CACNA1B: variants seen among roughly 807,000 people sequenced by gnomAD.
CACNA1B encodes calcium voltage-gated channel subunit alpha1 B.
In CACNA1B, 70 loss-of-function variants were observed where a neutral mutation model predicts 247.2. The observed-to-expected ratio is 0.28, with a 90% CI of 0.23 to 0.35. The LOEUF (loss-of-function observed/expected upper bound fraction) is 0.35. Ranked by LOEUF, CACNA1B falls within the 10% of genes least tolerant of loss-of-function variation. The pLI is 1.00. For synonymous variants in CACNA1B, 1,231 were observed against 1,294.4 expected, an observed-to-expected ratio of 0.95 and a Z score of 1.05; for missense variants, 2,367 against 3,197.4, an observed-to-expected ratio of 0.74 and a Z score of 6.26.
intron 36 of CACNA1B, among the ~76,000 whole-genome samples, chr9:138,087,063 A>C (rs1409087793): frequency 6.6e-6 from 1 of 151,282 alleles, no homozygotes; most frequent in Non-Finnish European, 1.5e-5. Context: ...CTGAAAGACA[A>C]ATGGGCCAAG....
rs1170713000 is a variant in CACNA1B, at chr9:138,051,487, C to T, written c.3711-605C>T. On this transcript the variant is annotated intron_variant, in intron 24 of 46. Coordinates refer to ENST00000371372, the MANE Select transcript of CACNA1B (RefSeq NM_000718.4). The surrounding 1 kb of genome is among the most constrained non-coding windows in gnomAD (Gnocchi z 4.3). ...TCCCTCCCTCCCTCCTTCCCTCCCT[C>T]TCCCCTTGTTTGTCTTAGTCCACCA... 1.3e-5 allele frequency among the ~76,000 whole-genome samples: 2 copies of T among 149,040 alleles called. No homozygotes were observed. Among genetic ancestry groups the T allele is most frequent in the Admixed American group, 1.3e-4 (2 of 14,886 alleles).
chr9:138,038,954 G>T (rs1232009133), intron 20 of CACNA1B, among the ~76,000 whole-genome samples: 2 of 152,148 alleles, frequency 1.3e-5, no homozygotes, highest in Admixed American at 1.3e-4. Context: ...GGAGGCCAAT[G>T]TGGGTGGATC....
At chr9:138,090,701 CAAAA>C (rs1173964720) in intron 36 of CACNA1B, among the ~76,000 whole-genome samples, 6 of 16,594 alleles carry the variant, frequency 3.6e-4, no homozygotes, top group African/African-American at 1.7e-3. Flanking sequence ...AACCCATCAG[CAAAA>C]AAAAAAAAAA....
At chr9:138,074,651 G>A (rs751197179) in intron 34 of CACNA1B, among the ~76,000 whole-genome samples, 4 of 152,222 alleles carry the variant, frequency 2.6e-5, no homozygotes, top group Admixed American at 2.0e-4. Flanking sequence ...TCTGGCCCTC[G>A]GCCCATTGCC....
chr9:138,053,703 C>T (rs1959384868), intron 25 of CACNA1B, 143 bp from the exon 26 acceptor site: 2 of 636,520 alleles, frequency 3.1e-6, no homozygotes, highest in Admixed American at 4.1e-5. Flanking sequence ...CCACCCATTC[C>T]CTTACGGCCA....
At chr9:138,031,260 CT>C (rs1006479090) in intron 20 of CACNA1B, among the ~76,000 whole-genome samples, 1 of 152,076 alleles carries the variant, frequency 6.6e-6, no homozygotes, top group African/African-American at 2.4e-5. Flanking sequence ...AAAAAATTTC[CT>C]TTGAGAAGAC....
intron 12 of CACNA1B, 114 bp downstream of exon 12, chr9:137,976,133 C>A: frequency 1.5e-6 from 1 of 683,220 alleles, no homozygotes; most frequent in South Asian, 1.8e-5. Context: ...CTACATGGGT[C>A]AGAAAGGCTG....
chr9:137,946,793 G>A (rs1044891654), intron 6 of CACNA1B, among the ~76,000 whole-genome samples: 6 of 152,150 alleles, frequency 3.9e-5, no homozygotes, highest in Non-Finnish European at 7.3e-5. Context: ...TGCTTCCCCT[G>A]TATGGAGCAG....
intron 6 of CACNA1B, among the ~76,000 whole-genome samples, chr9:137,944,953 C>G (rs1302283680): frequency 6.6e-6 from 1 of 152,174 alleles, no homozygotes; most frequent in African/African-American, 2.4e-5. Context: ...TCTACAATAT[C>G]TAGTTCTGCC....
At chr9:137,988,682 C>T (rs1457817675) in intron 15 of CACNA1B, among the ~76,000 whole-genome samples, 1 of 152,178 alleles carries the variant, frequency 6.6e-6, no homozygotes, top group African/African-American at 2.4e-5. Context: ...GAGACCCAGG[C>T]ACCAGGACAT....
At chr9:138,008,993 C>T (rs1958689776) in intron 16 of CACNA1B, among the ~76,000 whole-genome samples, 2 of 152,208 alleles carry the variant, frequency 1.3e-5, no homozygotes, top group Non-Finnish European at 2.9e-5. Context: ...GGGGCAGACC[C>T]AAGTCACAGT....
chr9:138,023,554 GCAC>G lies in CACNA1B; in HGVS notation c.2813_2815del (p.His938del). On this transcript the variant is annotated inframe_deletion, in exon 19 of 47. Transcript: ENST00000371372. Reference sequence around the variant, plus strand: ...AGCGGGAGCCCCGACGCCACCGCGCGCACCGGCACCAGGATCCGAGCAAGGAGT... The same window carrying G: ...AGCGGGAGCCCCGACGCCACCGCGCGCGGCACCAGGATCCGAGCAAGGAGT... 9.2e-7 allele frequency: 1 copy of G among 1,086,478 alleles called. No homozygotes were observed. 67.3% of individuals were successfully genotyped at this position (1,086,478 alleles called of 1,614,324 possible). A position where few individuals can be genotyped will look rare whatever the true frequency, so the allele number is the denominator to read the frequency against.
At chr9:138,013,257 TG>T in intron 18 of CACNA1B, 22 bp downstream of exon 18, 1 of 1,540,812 alleles carries the variant, frequency 6.5e-7, no homozygotes, top group African/African-American at 1.4e-5. Context: ...AGGAGTGGAT[TG>T]TGGGGTGGCA....
chr9:137,995,363 A>G (rs1422032948), intron 15 of CACNA1B, among the ~76,000 whole-genome samples: 2 of 152,214 alleles, frequency 1.3e-5, no homozygotes, highest in Non-Finnish European at 2.9e-5. Context: ...AGAATAGAGA[A>G]CCCAGAAATC....
rs1202603995 is a variant in CACNA1B, at chr9:137,917,402, A to T, written c.937A>T (p.Met313Leu). ...AILTVFQCIT[M>L]EGWTDILYNT... ...CTTGACGGTGTTCCAGTGCATCACC[A>T]TGGAGGGCTGGACTGACATCCTCTA... Residue 313 changes from methionine (M) to leucine (L), a missense_variant, in exon 6 of 47, where the codon ATG becomes TTG. By Grantham distance (15) the Met-to-Leu change is conservative. Transcript: ENST00000371372. The surrounding 1 kb of genome is among the most constrained non-coding windows in gnomAD (Gnocchi z 5.5). 1 of 1,613,920 alleles carries T rather than the reference A, an allele frequency of 6.2e-7. No homozygotes were observed. The highest frequency in any genetic ancestry group is 2.2e-5 in the East Asian group (1 of 44,864).
At chr9:138,086,675 TC>T (rs746114264) in intron 36 of CACNA1B, among the ~76,000 whole-genome samples, 1 of 151,270 alleles carries the variant, frequency 6.6e-6, no homozygotes, top group Non-Finnish European at 1.5e-5. Context: ...TATTATTAGA[TC>T]CAAAAAGAGA....
intron 20 of CACNA1B, among the ~76,000 whole-genome samples, chr9:138,027,182 T>C (rs1184792502): frequency 6.6e-6 from 1 of 152,232 alleles, no homozygotes; most frequent in Admixed American, 6.5e-5. Flanking sequence ...TCATCAGATA[T>C]GTGTTTTTGC....
intron 39 of CACNA1B, among the ~76,000 whole-genome samples, chr9:138,109,439 C>G (rs1253172262): frequency 6.6e-6 from 1 of 152,218 alleles, no homozygotes; most frequent in African/African-American, 2.4e-5. Flanking sequence ...CACTCTTAGG[C>G]CTCTTCTCTT....
At chr9:138,085,178 A>G (rs1336673996) in intron 36 of CACNA1B, among the ~76,000 whole-genome samples, 1 of 150,906 alleles carries the variant, frequency 6.6e-6, no homozygotes, top group African/African-American at 2.5e-5. Context: ...GATAGGAATC[A>G]TAAAAAAAGA....
Sources: gnomAD v4.1 joint callset for allele counts (sites outside exome capture counted in the v4.1 genomes callset) on GRCh38, gnomAD v4.1.1 for gene constraint, Gnocchi (gnomAD v3.1) non-coding constraint, MANE v1.5 for transcripts, NCBI Gene and HGNC (gene_info 2026-07-23, HGNC 2026-07-21) for gene names.